GRAMD1C: variants seen among roughly 807,000 people sequenced by gnomAD.
GRAMD1C encodes protein Aster-C.
A neutral mutation model predicts 97.8 loss-of-function variants in GRAMD1C; 89 were observed. That is an observed-to-expected ratio of 0.91 (90% confidence interval 0.77 to 1.09). The LOEUF (loss-of-function observed/expected upper bound fraction) is 1.09, where lower values mean the gene tolerates loss of function less well. Ranked by LOEUF, GRAMD1C falls within the 50% of genes least tolerant of loss-of-function variation. The probability of loss-of-function intolerance (pLI) is 0.00; values close to 1 mark genes in which losing one functional copy is unlikely to be tolerated. For synonymous variants in GRAMD1C, 256 were observed against 267.0 expected (o/e 0.96, Z 0.40); for missense variants, 740 against 766.4 (o/e 0.97, Z 0.41).
At chr3:113,938,060 T>C (rs1937616000) in intron 14 of GRAMD1C, 26 bp from the exon 15 acceptor site, 2 of 1,295,970 alleles carry the variant, frequency 1.5e-6, no homozygotes, top group Non-Finnish European at 2.2e-6. Flanking sequence ...CTCATTCTAA[T>C]GCAGCCTTTT....
At chr3:113,852,046 T>C (rs915886931) in intron 2 of GRAMD1C, among the ~76,000 whole-genome samples, 1 of 152,156 alleles carries the variant, frequency 6.6e-6, no homozygotes, top group Non-Finnish European at 1.5e-5. Context: ...TTCTGTACTT[T>C]ATCAGTAACT....
At chr3:113,935,189 G>A (rs543468222) in intron 13 of GRAMD1C, among the ~76,000 whole-genome samples, 11 of 152,204 alleles carry the variant, frequency 7.2e-5, no homozygotes, top group African/African-American at 2.7e-4. Context: ...GAAACACAGA[G>A]AGGTTAAGTG....
At chr3:113,844,106 T>C (rs1369813110) in intron 1 of GRAMD1C, among the ~76,000 whole-genome samples, 1 of 152,164 alleles carries the variant, frequency 6.6e-6, no homozygotes, top group Non-Finnish European at 1.5e-5. Context: ...CAAATAATAG[T>C]AGTTGGAAAA....
At chr3:113,926,241 G>T (rs1380253753) in intron 10 of GRAMD1C, among the ~76,000 whole-genome samples, 1 of 152,118 alleles carries the variant, frequency 6.6e-6, no homozygotes, top group Non-Finnish European at 1.5e-5. Context: ...CAGAGGTTTT[G>T]TTCTTTTTTA....
In GRAMD1C at chr3:113,875,567, A is replaced by G; in HGVS notation, c.343A>G (p.Ile115Val). 6.9e-7 allele frequency: 1 copy of G among 1,459,054 alleles called. No individual in the cohort carries two copies. The highest frequency in any genetic ancestry group is 9.6e-7 in the Non-Finnish European group (1 of 1,037,414). 90.4% of individuals were successfully genotyped at this position (1,459,054 alleles called of 1,614,324 possible). Residue 115 changes from isoleucine to valine, a missense_variant, in exon 4 of 18, where the codon ATC becomes GTC. Coordinates refer to ENST00000358160, the MANE Select transcript of GRAMD1C (RefSeq NM_017577.5). ...AAACTGGCTATGTTTCTATAGCAAC[A>G]TCTTCAGATGGGAAACTACAGTAAG... The part of the protein sequence containing the change: ...SENWLCFYSN[I>V]FRWETTISIA...
At chr3:113,832,693 T>C (rs1018307519) in intron 1 of GRAMD1C, among the ~76,000 whole-genome samples, 2 of 152,204 alleles carry the variant, frequency 1.3e-5, no homozygotes, top group Non-Finnish European at 2.9e-5. Context: ...ACTAATTTTG[T>C]AAAGTTTGTA....
At position 113,901,025 on chromosome 3, in the gene GRAMD1C, C is replaced by T. The variant is rs2632244; in HGVS notation, c.541-6C>T. ...AATGCTCAGTGTAATTTTTCTGTCA[C>T]TTTAGAGCCTGACTAGACAGGAATT... On this transcript the variant is annotated splice_region_variant and splice_polypyrimidine_tract_variant and intron_variant, in intron 6 of 17. Transcript: ENST00000358160. 1,471,804 of 1,473,624 alleles carry T rather than the reference C, an allele frequency of 1. 735,010 individuals carry two copies. Among genetic ancestry groups the T allele is most frequent in the East Asian group, 1 (44,178 of 44,178 alleles). The allele number at this position is 1,473,624 out of a possible 1,614,324, so 91.3% of individuals were successfully genotyped here. A position where few individuals can be genotyped will look rare whatever the true frequency, so the allele number is the denominator to read the frequency against.
intron 2 of GRAMD1C, among the ~76,000 whole-genome samples, chr3:113,845,419 C>G (rs79548880): frequency 6.6e-6 from 1 of 152,054 alleles, no homozygotes; most frequent in African/African-American, 2.4e-5. Context: ...TGGCTGGGCA[C>G]GATAGCTCAC....
intron 2 of GRAMD1C, chr3:113,850,646 A>C: frequency 6.2e-7 from 1 of 1,607,074 alleles, no homozygotes; most frequent in Middle Eastern, 2.2e-4. Flanking sequence ...GTGCTTAGGC[A>C]TGTGGACGTC....
chr3:113,945,465 C>G lies in GRAMD1C; in HGVS notation c.1976C>G (p.Ala659Gly). Residue 659 changes from alanine (A) to glycine (G), a missense_variant, in exon 18 of 18, where the codon GCT becomes GGT. Coordinates refer to ENST00000358160, the MANE Select transcript of GRAMD1C (RefSeq NM_017577.5). The stretch of plus-strand genomic sequence containing the variant: ...CTAAATAAGAATAAGACTGGCATGG[C>G]TGTTGAAAGCTAGTGATCTGAAGGA... ...DLLNKNKTGM[A>G]VES is the part of the protein sequence containing the mutation. The G allele has an allele frequency of 6.3e-7, 1 of 1,578,888 alleles. No homozygotes were observed. The highest frequency in any genetic ancestry group is 8.7e-7 in the Non-Finnish European group (1 of 1,149,012).
chr3:113,922,000 G>A (rs543666365), intron 10 of GRAMD1C, among the ~76,000 whole-genome samples: 3 of 151,986 alleles, frequency 2.0e-5, no homozygotes. Flanking sequence ...TGTTATTGCA[G>A]TTGCTTTTGG....
At chr3:113,903,841 T>C (rs1936260302) in intron 7 of GRAMD1C, among the ~76,000 whole-genome samples, 1 of 151,902 alleles carries the variant, frequency 6.6e-6, no homozygotes, top group Non-Finnish European at 1.5e-5. Flanking sequence ...CAAATGAAAT[T>C]TAAAGGAGCA....
chr3:113,913,992 A>C (rs894319365), intron 9 of GRAMD1C, among the ~76,000 whole-genome samples: 1 of 152,234 alleles, frequency 6.6e-6, no homozygotes, highest in Non-Finnish European at 1.5e-5. Flanking sequence ...TTGATCTACT[A>C]TAGTAAGCAG....
chr3:113,861,263 C>G (rs1224906065), intron 2 of GRAMD1C, among the ~76,000 whole-genome samples: 1 of 152,110 alleles, frequency 6.6e-6, no homozygotes, highest in Non-Finnish European at 1.5e-5. Context: ...TTTAAATCTT[C>G]ATGAACTTTG....
chr3:113,832,500 G>A (rs894968625), intron 1 of GRAMD1C, among the ~76,000 whole-genome samples: 4 of 152,108 alleles, frequency 2.6e-5, no homozygotes, highest in Non-Finnish European at 5.9e-5. Flanking sequence ...GTATGGTTCA[G>A]TGACATTACG....
At chr3:113,852,776 T>A (rs2107337162) in intron 2 of GRAMD1C, among the ~76,000 whole-genome samples, 1 of 152,262 alleles carries the variant, frequency 6.6e-6, no homozygotes, top group South Asian at 2.1e-4. Flanking sequence ...AAACTCTTTA[T>A]AAAGCCTGAC....
intron 10 of GRAMD1C, chr3:113,919,459 TGAC>T: frequency 1.9e-6 from 1 of 517,570 alleles, no homozygotes; most frequent in Non-Finnish European, 3.9e-6. Flanking sequence ...AACTTTACAA[TGAC>T]AAGAGTAATG....
chr3:113,911,181 C>CACACACACACACACACAT (rs1415732195), intron 9 of GRAMD1C, among the ~76,000 whole-genome samples: 1 of 151,264 alleles, frequency 6.6e-6, no homozygotes, highest in Non-Finnish European at 1.5e-5. Context: ...GAGACACACA[C>CACACACACACACACACAT]ACACACACGC....
At chr3:113,919,317 G>A in intron 10 of GRAMD1C, 5 of 488,624 alleles carry the variant, frequency 1.0e-5, no homozygotes, top group South Asian at 7.7e-5. Flanking sequence ...GAAAACTGAA[G>A]ATGGCAAAGT....
Sources: allele counts gnomAD v4.1 joint callset (sites outside exome capture counted in the v4.1 genomes callset), GRCh38; gene constraint gnomAD v4.1.1; transcripts MANE v1.5; gene names NCBI Gene and HGNC (gene_info 2026-07-23, HGNC 2026-07-21).